TMEM11: variants seen among roughly 807,000 people sequenced by gnomAD.
The protein encoded by TMEM11 is transmembrane protein 11, also known as transmembrane protein 11, mitochondrial.
Under a neutral mutation model 17.0 loss-of-function variants are expected in TMEM11, and 1 was observed. The ratio of observed to expected loss-of-function variants is 0.06; its 90% CI spans 0.02 to 0.28. The LOEUF is 0.28. Ranked by LOEUF, TMEM11 falls within the 10% of genes least tolerant of loss-of-function variation. The probability of loss-of-function intolerance (pLI) is 1.00; values close to 1 mark genes in which losing one functional copy is unlikely to be tolerated. For missense variants in TMEM11, 172 were observed against 252.9 expected, an observed-to-expected ratio of 0.68 and a Z score of 2.17; for synonymous variants, 122 against 118.1, an observed-to-expected ratio of 1.03 and a Z score of -0.21.
rs1028847980 is a variant in TMEM11, at chr17:21,202,937, G to A, written c.63-4097C>T. Reference sequence around the variant, plus strand: ...GGCCCCGGCCTCCTGCAGCCTCGGCGTCTTCATATGGGCTGGGCACTGTTG... The same window carrying A: ...GGCCCCGGCCTCCTGCAGCCTCGGCATCTTCATATGGGCTGGGCACTGTTG... On this transcript the variant is annotated intron_variant, in intron 1 of 1. Transcript: ENST00000317635. Among the ~76,000 whole-genome samples the A allele has an allele frequency of 1.1e-4, 17 of 152,336 alleles. 1 individual carries two copies. The highest frequency in any genetic ancestry group is 9.6e-4 in the East Asian group (5 of 5,186).
chr17:21,206,527 T>C (rs1245826227), intron 1 of TMEM11, among the ~76,000 whole-genome samples: 1 of 151,976 alleles, frequency 6.6e-6, no homozygotes, highest in African/African-American at 2.4e-5. Flanking sequence ...TCATTTTCTT[T>C]ATTTTTATTT....
At position 21,198,280 on chromosome 17, in the gene TMEM11, C is replaced by T. The variant is rs1268889227; in HGVS notation, c.*44G>A. 1.9e-6 allele frequency: 3 copies of T among 1,578,020 alleles called. No homozygotes were observed. Among genetic ancestry groups the T allele is most frequent in the East Asian group, 2.3e-5 (1 of 44,422 alleles). ...TGGCGATCTGAATACTCTGTTGTCT[C>T]TTGTGGGCCGGGTGGTTTTGCTTCG... On this transcript the variant is annotated 3_prime_UTR_variant, in exon 2 of 2. Transcript: ENST00000317635. This position sits in a 1 kb window ranked among gnomAD's most constrained non-coding sequence, Gnocchi z 6.5.
At chr17:21,206,049 G>C (rs546231562) in intron 1 of TMEM11, among the ~76,000 whole-genome samples, 99 of 49,608 alleles carry the variant, frequency 2.0e-3, no homozygotes, top group African/African-American at 0.015. Flanking sequence ...GCTTTTTTTG[G>C]GGGGGGGGTA....
intron 1 of TMEM11, among the ~76,000 whole-genome samples, chr17:21,204,215 C>G (rs1974917053): frequency 6.6e-6 from 1 of 151,142 alleles, no homozygotes; most frequent in Admixed American, 6.6e-5. Context: ...AGGCGGATCA[C>G]CTGAGATCAG....
chr17:21,202,983 C>G (rs1974899245), intron 1 of TMEM11, among the ~76,000 whole-genome samples: 1 of 152,250 alleles, frequency 6.6e-6, no homozygotes, highest in African/African-American at 2.4e-5. Flanking sequence ...TCTAAGACAC[C>G]TATCCACAGC....
chr17:21,204,050 A>AG (rs1974914208), intron 1 of TMEM11, among the ~76,000 whole-genome samples: 2 of 143,540 alleles, frequency 1.4e-5, no homozygotes, highest in Non-Finnish European at 3.0e-5. Context: ...GGGCTTCCTA[A>AG]GGGACTGTAT....
Position 21,207,026 on chromosome 17 carries a change from A to G in TMEM11, c.62+7065T>C, listed in dbSNP as rs180756309. ...ATTAGTGGTCCCTTCACATCTCCCC[A>G]GCCCTCCACAACCACCAGTCGGCTT... On this transcript the variant is annotated intron_variant, in intron 1 of 1. Transcript: ENST00000317635. Among the ~76,000 whole-genome samples, 650 of 152,208 alleles carry G rather than the reference A, an allele frequency of 4.3e-3. 5 individuals are homozygous for G. Among genetic ancestry groups the G allele is most frequent in the South Asian group, 8.1e-3 (39 of 4,828 alleles).
intron 1 of TMEM11, among the ~76,000 whole-genome samples, chr17:21,206,056 G>T (rs1432946271): frequency 1.3e-5 from 2 of 151,454 alleles, no homozygotes; most frequent in Non-Finnish European, 1.5e-5. Context: ...TTGGGGGGGG[G>T]GTATATATAC....
At position 21,198,289 on chromosome 17, in the gene TMEM11, C is replaced by T. The variant is rs367895918; in HGVS notation, c.*35G>A. 3.7e-5 allele frequency: 58 copies of T among 1,583,380 alleles called. No homozygotes were observed. In the African/African-American group the frequency reaches 5.2e-4, roughly 14 times the overall value. On this transcript the variant is annotated 3_prime_UTR_variant, in exon 2 of 2. Coordinates refer to ENST00000317635, the MANE Select transcript of TMEM11 (RefSeq NM_003876.3). This position sits in a 1 kb window ranked among gnomAD's most constrained non-coding sequence, Gnocchi z 6.5. ...GAATACTCTGTTGTCTCTTGTGGGC[C>T]GGGTGGTTTTGCTTCGCTCCCTGTT...
chr17:21,211,978 C>T (rs556059708), intron 1 of TMEM11, among the ~76,000 whole-genome samples: 1 of 152,278 alleles, frequency 6.6e-6, no homozygotes, highest in East Asian at 1.9e-4. Flanking sequence ...TCCGCCCTGC[C>T]CCACCTGAAC....
intron 1 of TMEM11, among the ~76,000 whole-genome samples, chr17:21,212,050 CGGG>C (rs1362965694): frequency 2.6e-5 from 4 of 152,142 alleles, no homozygotes; most frequent in Non-Finnish European, 5.9e-5. Flanking sequence ...AGCCCCACAG[CGGG>C]TTATGTTTCC....
At chr17:21,210,444 C>T (rs923371078) in intron 1 of TMEM11, among the ~76,000 whole-genome samples, 1 of 152,110 alleles carries the variant, frequency 6.6e-6, no homozygotes, top group Non-Finnish European at 1.5e-5. Flanking sequence ...CAGAAGGAAA[C>T]AAAAACTCCC....
rs1974849883 is a variant in TMEM11 at position 21,198,905 on chromosome 17, C to T, written c.63-65G>A. The stretch of plus-strand genomic sequence containing the variant: ...GACAGGATGATTAGGCTGAGGAGCA[C>T]TTAACTGTGTTTCAGCGCTGGGGGA... On this transcript the variant is annotated intron_variant, in intron 1 of 1. Transcript: ENST00000317635. The surrounding 1 kb of genome is among the most constrained non-coding windows in gnomAD (Gnocchi z 6.5). 1 of 1,539,040 alleles carries T rather than the reference C, an allele frequency of 6.5e-7. No individual in the cohort carries two copies. Among genetic ancestry groups the T allele is most frequent in the African/African-American group, 1.4e-5 (1 of 73,518 alleles).
intron 1 of TMEM11, among the ~76,000 whole-genome samples, chr17:21,209,245 T>C (rs1049773066): frequency 6.6e-6 from 1 of 152,178 alleles, no homozygotes; most frequent in South Asian, 2.1e-4. Context: ...AGTGTGGGAG[T>C]CGAGAGGGTG....
intron 1 of TMEM11, among the ~76,000 whole-genome samples, chr17:21,212,740 G>T (rs1597774564): frequency 6.6e-6 from 1 of 152,186 alleles, no homozygotes; most frequent in South Asian, 2.1e-4. Context: ...ACAAGAGGGC[G>T]TATGTTTCTA....
At chr17:21,205,851 A>G (rs1378532976) in intron 1 of TMEM11, among the ~76,000 whole-genome samples, 5 of 152,106 alleles carry the variant, frequency 3.3e-5, no homozygotes, top group Non-Finnish European at 7.4e-5. Context: ...ACGAGTCTTC[A>G]AGGTTCATCC....
At chr17:21,203,664 G>A (rs1974907758) in intron 1 of TMEM11, among the ~76,000 whole-genome samples, 1 of 150,062 alleles carries the variant, frequency 6.7e-6, no homozygotes, top group South Asian at 2.1e-4. Flanking sequence ...CCAAGATTGT[G>A]CCACTGCACT....
chr17:21,212,262 G>A (rs893742723), intron 1 of TMEM11, among the ~76,000 whole-genome samples: 3 of 152,156 alleles, frequency 2.0e-5, no homozygotes, highest in Admixed American at 6.5e-5. Flanking sequence ...CAACATCTGC[G>A]TGTGTGAGTA....
intron 1 of TMEM11, among the ~76,000 whole-genome samples, chr17:21,211,912 T>C (rs1597774234): frequency 6.6e-6 from 1 of 152,300 alleles, no homozygotes; most frequent in East Asian, 1.9e-4. Flanking sequence ...ACTTCAGTCA[T>C]AAGAGCCAAT....
Sources: allele counts gnomAD v4.1 joint callset (sites outside exome capture counted in the v4.1 genomes callset), GRCh38; gene constraint gnomAD v4.1.1; non-coding constraint Gnocchi (gnomAD v3.1); transcripts MANE v1.5; gene names NCBI Gene and HGNC (gene_info 2026-07-23, HGNC 2026-07-21).